Variants in SIDT1 observed in about 807,000 individuals in gnomAD.
SIDT1 encodes the protein SID1 transmembrane family member 1.
Under a neutral mutation model 107.5 loss-of-function variants are expected in SIDT1, and 101 were observed. That is an observed-to-expected ratio of 0.94 (90% CI 0.80 to 1.11). The LOEUF is 1.11. Ranked by LOEUF, SIDT1 falls within the 50% of genes least tolerant of loss-of-function variation. The probability of loss-of-function intolerance (pLI) is 0.00; values close to 1 mark genes in which losing one functional copy is unlikely to be tolerated. For synonymous variants in SIDT1, 395 were observed against 398.2 expected (o/e 0.99, Z 0.10); for missense variants, 1,076 against 1,058.2 (o/e 1.02, Z -0.23).
chr3:113,565,885 T>C (rs191853925), intron 1 of SIDT1, among the ~76,000 whole-genome samples: 30 of 152,328 alleles, frequency 2.0e-4, no homozygotes, highest in African/African-American at 7.0e-4. Context: ...TTGAAGTTTT[T>C]CAGCAATTGA....
downstream of SIDT1, among the ~76,000 whole-genome samples, chr3:113,633,967 GC>G (rs1947108725): frequency 1.3e-5 from 2 of 152,214 alleles, no homozygotes; most frequent in Admixed American, 1.3e-4. Flanking sequence ...GACGCCTACA[GC>G]CTGGCCTGTC....
chr3:113,564,887 A>G (rs900502017), intron 1 of SIDT1, among the ~76,000 whole-genome samples: 1 of 152,198 alleles, frequency 6.6e-6, no homozygotes, highest in Non-Finnish European at 1.5e-5. Flanking sequence ...CCTTCAGGGC[A>G]AGCACTTCCT....
At chr3:113,580,305 C>T (rs1943227758) in intron 4 of SIDT1, among the ~76,000 whole-genome samples, 1 of 152,156 alleles carries the variant, frequency 6.6e-6, no homozygotes. Flanking sequence ...GCTTCTTAAA[C>T]AGGAAACAAA....
chr3:113,587,319 T>C (rs1342122025), intron 9 of SIDT1, among the ~76,000 whole-genome samples: 1 of 152,252 alleles, frequency 6.6e-6, no homozygotes, highest in Non-Finnish European at 1.5e-5. Context: ...ATTGGTATTC[T>C]ATGTTCTTAT....
intron 2 of SIDT1, among the ~76,000 whole-genome samples, chr3:113,566,881 T>G (rs1402640818): frequency 5.9e-5 from 9 of 152,190 alleles, no homozygotes; most frequent in Admixed American, 4.6e-4. Flanking sequence ...TCTTCCCTTG[T>G]TCTTCAAAAT....
intron 13 of SIDT1, among the ~76,000 whole-genome samples, chr3:113,604,528 T>C (rs1576927667): frequency 6.6e-6 from 1 of 152,188 alleles, no homozygotes; most frequent in East Asian, 1.9e-4. Context: ...AGGTACTACT[T>C]ACACTGTTTT....
rs780715523 is a variant in SIDT1, at chr3:113,569,138, CAAAA to C, written c.515+1446_515+1449del. 9.0e-4 allele frequency among the ~76,000 whole-genome samples: 50 copies of C among 55,482 alleles called. 1 individual carries two copies. Among genetic ancestry groups the C allele is most frequent in the Non-Finnish European group, 1.3e-3 (39 of 28,950 alleles). 36.4% of individuals were successfully genotyped at this position (55,482 alleles called of 152,430 possible). A position where few individuals can be genotyped will look rare whatever the true frequency, so the allele number is the denominator to read the frequency against. On this transcript the variant is annotated intron_variant, in intron 3 of 24. Transcript: ENST00000264852. The stretch of plus-strand genomic sequence containing the variant: ...TGGGTGAAGGAGTGAGACTCCCTCT[CAAAA>C]AAAAAAAAAAAAAAAAAGGAAGCCA...
At chr3:113,577,357 T>G (rs1942983732) in intron 4 of SIDT1, among the ~76,000 whole-genome samples, 1 of 152,114 alleles carries the variant, frequency 6.6e-6, no homozygotes, top group South Asian at 2.1e-4. Context: ...GTAGTGGGGA[T>G]AGGTAGTAAA....
At chr3:113,617,742 G>A (rs1298078138) in intron 20 of SIDT1, among the ~76,000 whole-genome samples, 2 of 152,172 alleles carry the variant, frequency 1.3e-5, no homozygotes, top group African/African-American at 4.8e-5. Context: ...ATTGATAGAG[G>A]CTTCCTTTTT....
chr3:113,584,643 A>C, intron 7 of SIDT1, 55 bp from the exon 8 acceptor site: 1 of 1,308,632 alleles, frequency 7.6e-7, no homozygotes, highest in Non-Finnish European at 1.1e-6. Context: ...GAGACCAAAA[A>C]AAATCATTAT....
chr3:113,598,368 G>C (rs866929316), intron 10 of SIDT1, among the ~76,000 whole-genome samples: 10 of 152,052 alleles, frequency 6.6e-5, no homozygotes. Flanking sequence ...TTTTTCTTTT[G>C]ATTACACACA....
chr3:113,608,308 T>C (rs1272254795), intron 16 of SIDT1, 91 bp downstream of exon 16: 10 of 1,546,408 alleles, frequency 6.5e-6, no homozygotes, highest in Non-Finnish European at 7.9e-6. Context: ...GGTGTGATGA[T>C]TTATTATGTG....
At chr3:113,562,034 T>C (rs940381927) in intron 1 of SIDT1, among the ~76,000 whole-genome samples, 1 of 152,152 alleles carries the variant, frequency 6.6e-6, no homozygotes, top group Non-Finnish European at 1.5e-5. Context: ...CAAAAGTGAG[T>C]CTGCTTCTAA....
Position 113,568,180 on chromosome 3 carries a change from CCT to C in SIDT1, c.515+471_515+472del, listed in dbSNP as rs746618973. 1.1e-4 allele frequency among the ~76,000 whole-genome samples: 13 copies of C among 116,292 alleles called. No homozygotes were observed. The East Asian group carries it at 4.7e-3, about 42-fold the overall frequency. The allele number at this position is 116,292 out of a possible 152,430, so 76.3% of individuals were successfully genotyped here. A position where few individuals can be genotyped will look rare whatever the true frequency, so the allele number is the denominator to read the frequency against. On this transcript the variant is annotated intron_variant, in intron 3 of 24. Transcript: ENST00000264852. ...TTGGTGTGACTAGTATTATTTTCCC[CCT>C]GTTTTTAAAAAACTAAAATAAACAG...
At chr3:113,605,192 G>A (rs6800206) in intron 14 of SIDT1, among the ~76,000 whole-genome samples, 28 of 142,250 alleles carry the variant, frequency 2.0e-4, no homozygotes, top group Non-Finnish European at 3.4e-4. Context: ...GCACGATGTC[G>A]GCTCACTGCA....
chr3:113,607,390 G>A (rs995617043), intron 15 of SIDT1, among the ~76,000 whole-genome samples: 1 of 152,204 alleles, frequency 6.6e-6, no homozygotes, highest in Non-Finnish European at 1.5e-5. Context: ...TTGTTCACAG[G>A]CATGAGCTGG....
chr3:113,629,232 G>C lies in SIDT1; in HGVS notation c.*1524G>C, dbSNP rs1408508096. ...CTTTTCCTGATTTTAAAAACACAAA[G>C]TTGCTTTCAATGAAATATTTTGTGA... On this transcript the variant is annotated 3_prime_UTR_variant, in exon 25 of 25. Coordinates refer to ENST00000264852, the MANE Select transcript of SIDT1 (RefSeq NM_017699.3). 3.3e-5 allele frequency: 5 copies of C among 152,264 alleles called. No homozygotes were observed. In the East Asian group the frequency reaches 7.7e-4, roughly 23 times the overall value. 9.4% of individuals were successfully genotyped at this position (152,264 alleles called of 1,614,324 possible). A position where few individuals can be genotyped will look rare whatever the true frequency, so the allele number is the denominator to read the frequency against.
chr3:113,554,654 A>G (rs915853094), intron 1 of SIDT1, among the ~76,000 whole-genome samples: 1 of 152,126 alleles, frequency 6.6e-6, no homozygotes. Flanking sequence ...TAAATTACCC[A>G]GTCTTGGGTA....
chr3:113,602,857 G>A (rs1945055478), intron 11 of SIDT1, 148 bp from the exon 12 acceptor site: 1 of 724,210 alleles, frequency 1.4e-6, no homozygotes, highest in East Asian at 2.9e-5. Context: ...AAGGAATAGA[G>A]AGAAAGAACA....
Sources: allele counts gnomAD v4.1 joint callset (sites outside exome capture counted in the v4.1 genomes callset), GRCh38; gene constraint gnomAD v4.1.1; transcripts MANE v1.5; gene names NCBI Gene and HGNC (gene_info 2026-07-23, HGNC 2026-07-21).